Variants in PXDNL observed in about 807,000 individuals in gnomAD.
PXDNL encodes the protein probable oxidoreductase PXDNL.
Under a neutral mutation model 150.8 loss-of-function variants are expected in PXDNL, and 145 were observed. The observed-to-expected ratio is 0.96, with a 90% CI of 0.84 to 1.10. PXDNL has a LOEUF of 1.10. PXDNL is among the 50% of genes least tolerant of loss of function. The pLI is 0.00. For missense variants in PXDNL, 2,087 were observed against 1,873.9 expected, an observed-to-expected ratio of 1.11 and a Z score of -2.10; for synonymous variants, 757 against 725.7, an observed-to-expected ratio of 1.04 and a Z score of -0.69.
intron 12 of PXDNL, 65 bp downstream of exon 12, chr8:51,446,939 G>T: frequency 1.4e-6 from 2 of 1,399,202 alleles, no homozygotes; most frequent in Non-Finnish European, 2.0e-6. Flanking sequence ...TCCCTGTCAG[G>T]TGTGTTAAAG....
At chr8:51,515,277 C>T (rs1297390009) in intron 4 of PXDNL, among the ~76,000 whole-genome samples, 2 of 152,150 alleles carry the variant, frequency 1.3e-5, no homozygotes, top group South Asian at 2.1e-4. Flanking sequence ...GGGAGATCAT[C>T]CACAGACGAT....
intron 1 of PXDNL, among the ~76,000 whole-genome samples, chr8:51,720,230 T>G (rs1442492920): frequency 1.3e-5 from 2 of 151,760 alleles, no homozygotes; most frequent in African/African-American, 4.8e-5. Flanking sequence ...TTGGGGGAAG[T>G]TTTATACAGA....
chr8:51,408,846 C>G lies in PXDNL; in HGVS notation c.2778G>C (p.Trp926Cys), dbSNP rs1159180250. 1.3e-6 allele frequency: 2 copies of G among 1,577,060 alleles called. No homozygotes were observed. Among genetic ancestry groups the G allele is most frequent in the African/African-American group, 2.7e-5 (2 of 73,656 alleles). The stretch of plus-strand genomic sequence containing the variant: ...GCAATAAGGGCTTTCCGGAGGGAGG[C>G]CAAGGAAAGCCTGTCTTCAGGAGAC... ...PRGLLKTGFPWPPSGKPLLPF... is the reference protein window; with the variant it reads ...PRGLLKTGFPCPPSGKPLLPF... The change falls in exon 17 of 23, where the codon TGG (tryptophan) becomes TGC (cysteine). Residue 926 changes from tryptophan to cysteine, a missense_variant. By Grantham distance (215) the Trp-to-Cys change is radical. Transcript: ENST00000356297.
intron 9 of PXDNL, among the ~76,000 whole-genome samples, chr8:51,455,221 G>A (rs1327687758): frequency 1.3e-5 from 2 of 151,630 alleles, no homozygotes; most frequent in Admixed American, 6.6e-5. Flanking sequence ...TGGAAAAGGA[G>A]ATAATCTGAT....
intron 1 of PXDNL, among the ~76,000 whole-genome samples, chr8:51,747,264 G>T (rs949471251): frequency 6.6e-6 from 1 of 152,176 alleles, no homozygotes; most frequent in East Asian, 1.9e-4. Flanking sequence ...ATGCACTGCT[G>T]CAGGCAAACA....
intron 21 of PXDNL, among the ~76,000 whole-genome samples, chr8:51,337,868 A>G (rs1217061928): frequency 4.4e-5 from 6 of 136,682 alleles, no homozygotes; most frequent in Non-Finnish European, 9.5e-5. Context: ...GCGAGACTCC[A>G]TCTCAAAAAA....
In PXDNL at chr8:51,411,287, A is replaced by G; in HGVS notation, c.2025T>C (p.Arg675=). 1 of 1,544,576 alleles carries G rather than the reference A, an allele frequency of 6.5e-7. No homozygotes were observed. The highest frequency in any genetic ancestry group is 2.4e-5 in the East Asian group (1 of 40,870). ...AGTCCACAGTGAGCCCCTGCTTCAC[A>G]CGTTCCCGTATCAGCTGCAGCGTGT... is the stretch of plus-strand genomic sequence containing the variant. ...FEHTLQLIRE[R]VKQGLTVDLE... is the part of the protein sequence containing the mutation. The change falls in exon 16 of 23, where the codon CGT becomes CGC. Residue 675 remains arginine, a synonymous_variant. Transcript: ENST00000356297.
At chr8:51,404,337 T>C (rs1051327599) in intron 17 of PXDNL, among the ~76,000 whole-genome samples, 2 of 152,200 alleles carry the variant, frequency 1.3e-5, no homozygotes, top group Non-Finnish European at 2.9e-5. Context: ...AGAGAGCTGA[T>C]TGGTCTGGTT....
intron 1 of PXDNL, among the ~76,000 whole-genome samples, chr8:51,760,468 T>C (rs916970664): frequency 6.6e-5 from 10 of 152,216 alleles, no homozygotes; most frequent in Non-Finnish European, 2.9e-5. Context: ...TGTCAGAGTG[T>C]GAGACAAACA....
chr8:51,809,152 G>A, intron 1 of PXDNL, 29 bp downstream of exon 1: 1 of 1,611,744 alleles, frequency 6.2e-7, no homozygotes. Context: ...TTGGGGAAGA[G>A]GGTTTCTGGG....
intron 3 of PXDNL, among the ~76,000 whole-genome samples, chr8:51,589,007 AG>A (rs1375538715): frequency 6.6e-6 from 1 of 152,228 alleles, no homozygotes; most frequent in Non-Finnish European, 1.5e-5. Context: ...TTAGGTCATG[AG>A]GACTCTTCCC....
intron 2 of PXDNL, among the ~76,000 whole-genome samples, chr8:51,604,656 A>T (rs889070062): frequency 2.7e-5 from 4 of 148,608 alleles, no homozygotes; most frequent in Non-Finnish European, 6.0e-5. Flanking sequence ...TAATAATAAT[A>T]AAAAAAATAC....
At chr8:51,677,832 A>G (rs1191613242) in intron 1 of PXDNL, among the ~76,000 whole-genome samples, 1 of 152,238 alleles carries the variant, frequency 6.6e-6, no homozygotes, top group Non-Finnish European at 1.5e-5. Context: ...GAAAGTAAAT[A>G]TAGAACCTTC....
chr8:51,334,847 T>C (rs989569386), intron 21 of PXDNL, among the ~76,000 whole-genome samples: 3 of 152,224 alleles, frequency 2.0e-5, no homozygotes, highest in Non-Finnish European at 4.4e-5. Flanking sequence ...AGAAACTTTC[T>C]GCCTCACCAG....
intron 7 of PXDNL, among the ~76,000 whole-genome samples, chr8:51,473,975 A>G (rs1168049585): frequency 6.6e-6 from 1 of 152,228 alleles, no homozygotes; most frequent in African/African-American, 2.4e-5. Context: ...GATGTGAAGC[A>G]ATCCAGCCAA....
chr8:51,627,481 A>G (rs1814385034), intron 2 of PXDNL, among the ~76,000 whole-genome samples: 1 of 152,204 alleles, frequency 6.6e-6, no homozygotes, highest in South Asian at 2.1e-4. Flanking sequence ...TATTTATTAT[A>G]TTTCATTATA....
chr8:51,409,117 C>T lies in PXDNL; in HGVS notation c.2507G>A (p.Cys836Tyr). Residue 836 changes from cysteine to tyrosine, a missense_variant, in exon 17 of 23, where the codon TGC becomes TAC. Physicochemically the swap from Cys to Tyr is radical, Grantham distance 194 (BLOSUM62 -2). Coordinates refer to ENST00000356297, the MANE Select transcript of PXDNL (RefSeq NM_144651.5). ...GGGGAAACAAGGAGGGTCGTTGGTGCAGACGGAGCTGCACGGCCGCCCATC... is the reference window on the plus strand; with the variant it reads ...GGGGAAACAAGGAGGGTCGTTGGTGTAGACGGAGCTGCACGGCCGCCCATC... The part of the protein sequence containing the change: ...FSDGRPCSSV[C>Y]TNDPPCFPMN... 2 of 1,608,092 alleles carry T rather than the reference C, an allele frequency of 1.2e-6. No individual in the cohort carries two copies. The highest frequency in any genetic ancestry group is 1.7e-6 in the Non-Finnish European group (2 of 1,179,276).
At chr8:51,468,718 G>A (rs1273203303) in intron 8 of PXDNL, among the ~76,000 whole-genome samples, 2 of 151,560 alleles carry the variant, frequency 1.3e-5, no homozygotes, top group Non-Finnish European at 3.0e-5. Context: ...TCCTAGTCTG[G>A]AAGGATCTTT....
chr8:51,412,472 T>C (rs767414877), intron 15 of PXDNL, among the ~76,000 whole-genome samples: 1 of 152,190 alleles, frequency 6.6e-6, no homozygotes, highest in Non-Finnish European at 1.5e-5. Flanking sequence ...AATATAAATC[T>C]AAATCGGCTG....
Sources: gnomAD v4.1 joint callset for allele counts (sites outside exome capture counted in the v4.1 genomes callset) on GRCh38, gnomAD v4.1.1 for gene constraint, MANE v1.5 for transcripts, NCBI Gene and HGNC (gene_info 2026-07-23, HGNC 2026-07-21) for gene names.